Variants in NRCAM observed in about 807,000 individuals in gnomAD.
NRCAM encodes the protein neuronal cell adhesion molecule.
In NRCAM, 83 loss-of-function variants were observed where a neutral mutation model predicts 156.5. The ratio of observed to expected loss-of-function variants is 0.53; its 90% confidence interval spans 0.44 to 0.64. The LOEUF (loss-of-function observed/expected upper bound fraction) is 0.64. NRCAM is among the 30% of genes least tolerant of loss of function. The pLI is 0.00. For missense variants in NRCAM, 1,417 were observed against 1,597.3 expected, an observed-to-expected ratio of 0.89 and a Z score of 1.92; for synonymous variants, 538 against 563.9, an observed-to-expected ratio of 0.95 and a Z score of 0.65.
chr7:108,171,203 G>A (rs1390389930), intron 28 of NRCAM, among the ~76,000 whole-genome samples: 1 of 152,150 alleles, frequency 6.6e-6, no homozygotes, highest in Non-Finnish European at 1.5e-5. Context: ...CTTCCGGTGT[G>A]CCTCGCCCAA....
rs1157626809 is a variant in NRCAM, at chr7:108,168,323, C to T, written c.3267G>A (p.Glu1089=). The T allele has an allele frequency of 6.2e-7, 1 of 1,609,364 alleles. No homozygotes were observed. Among genetic ancestry groups the T allele is most frequent in the Non-Finnish European group, 8.5e-7 (1 of 1,177,950 alleles). ...CATAAAAGTTCACATGCTCTGGTCC[C>T]TCATATTCCCAACTGATATTGGCAT... The part of the protein sequence containing the change: ...ETYANISWEY[E]GPEHVNFYVE... Residue 1089 remains glutamate, a synonymous_variant, in exon 29 of 33, where the codon GAG becomes GAA. Coordinates refer to ENST00000379028, the MANE Select transcript of NRCAM (RefSeq NM_001037132.4).
intron 1 of NRCAM, among the ~76,000 whole-genome samples, chr7:108,406,189 G>A (rs540613116): frequency 1.3e-5 from 2 of 152,148 alleles, no homozygotes; most frequent in African/African-American, 4.8e-5. Context: ...GAATCAGGCA[G>A]TAAATAATGA....
At chr7:108,290,966 G>A (rs2098271039) in intron 3 of NRCAM, among the ~76,000 whole-genome samples, 1 of 152,198 alleles carries the variant, frequency 6.6e-6, no homozygotes, top group Non-Finnish European at 1.5e-5. Context: ...CAAAGCTGGA[G>A]TTAAGAGTGC....
At chr7:108,418,119 G>A (rs1012735749) in intron 1 of NRCAM, among the ~76,000 whole-genome samples, 1 of 152,088 alleles carries the variant, frequency 6.6e-6, no homozygotes. Context: ...ACTTCTAGGT[G>A]ACCAGGAGCC....
chr7:108,452,211 G>T (rs1851188365), intron 1 of NRCAM, among the ~76,000 whole-genome samples: 1 of 152,206 alleles, frequency 6.6e-6, no homozygotes, highest in Non-Finnish European at 1.5e-5. Flanking sequence ...GTAGAATGGT[G>T]ATTGCTAGTG....
At chr7:108,279,519 GTTGT>G (rs1477939448) in intron 3 of NRCAM, among the ~76,000 whole-genome samples, 3 of 151,436 alleles carry the variant, frequency 2.0e-5, no homozygotes, top group Non-Finnish European at 4.4e-5. Flanking sequence ...TTTTTTGGTT[GTTGT>G]TTGTTTGTTT....
In NRCAM at chr7:108,264,086, T is replaced by C. The variant is rs562896379; in HGVS notation, c.-106-23916A>G. On this transcript the variant is annotated intron_variant, in intron 3 of 32. Transcript: ENST00000379028. ...TCTGTCTCCCGAGTTCAAGCGATTC[T>C]CCTGCCTCAGCTGCGCAAGTAGCTG... Among the ~76,000 whole-genome samples, 2 of 152,270 alleles carry C rather than the reference T, an allele frequency of 1.3e-5. 1 individual carries two copies. Among genetic ancestry groups the C allele is most frequent in the Admixed American group, 1.3e-4 (2 of 15,296 alleles).
intron 1 of NRCAM, among the ~76,000 whole-genome samples, chr7:108,410,427 CT>C (rs756980847): frequency 5.3e-5 from 8 of 152,122 alleles, no homozygotes; most frequent in Non-Finnish European, 7.4e-5. Flanking sequence ...GAGAGTGCTC[CT>C]TAAATTTGAT....
chr7:108,455,449 T>G (rs1397564678), intron 1 of NRCAM, among the ~76,000 whole-genome samples: 1 of 152,042 alleles, frequency 6.6e-6, no homozygotes, highest in Non-Finnish European at 1.5e-5. Context: ...AAAGCAATCT[T>G]TCCAGGCAGC....
At position 108,173,640 on chromosome 7, in the gene NRCAM, A is replaced by G. The variant is rs377161121; in HGVS notation, c.3187+1682T>C. Among the ~76,000 whole-genome samples, 369 of 152,330 alleles carry G rather than the reference A, an allele frequency of 2.4e-3. 1 individual carries two copies. The highest frequency in any genetic ancestry group is 8.4e-3 in the African/African-American group (351 of 41,578). ...CTGCTATACTATTAAAATAAACCATATTAAAATTAAGGTCAGAGTTAGCTT... is the reference window on the plus strand; with the variant it reads ...CTGCTATACTATTAAAATAAACCATGTTAAAATTAAGGTCAGAGTTAGCTT... On this transcript the variant is annotated intron_variant, in intron 28 of 32. Transcript: ENST00000379028.
chr7:108,450,693 T>G (rs755351063), intron 1 of NRCAM, among the ~76,000 whole-genome samples: 10 of 152,224 alleles, frequency 6.6e-5, no homozygotes, highest in Non-Finnish European at 1.3e-4. Context: ...GGTACTTTAA[T>G]TCAACATTTT....
At chr7:108,445,933 A>T (rs986272954) in intron 1 of NRCAM, among the ~76,000 whole-genome samples, 3 of 152,092 alleles carry the variant, frequency 2.0e-5, no homozygotes, top group African/African-American at 7.2e-5. Context: ...TGTTTCACAA[A>T]CCAGTCTCTT....
intron 2 of NRCAM, among the ~76,000 whole-genome samples, chr7:108,352,996 T>G (rs1481385422): frequency 6.6e-6 from 1 of 151,968 alleles, no homozygotes; most frequent in African/African-American, 2.4e-5. Flanking sequence ...ACCAAGCCAC[T>G]ATTTTTTTCC....
At chr7:108,217,654 G>A (rs1416475606) in intron 11 of NRCAM, among the ~76,000 whole-genome samples, 1 of 152,222 alleles carries the variant, frequency 6.6e-6, no homozygotes, top group Non-Finnish European at 1.5e-5. Flanking sequence ...TCTGGGTACA[G>A]AGGCTTTGCT....
rs184143929 is a variant in NRCAM at position 108,397,857 on chromosome 7, G to A, written c.-174+1579C>T. 3.7e-4 allele frequency among the ~76,000 whole-genome samples: 57 copies of A among 152,168 alleles called. 1 individual carries two copies. Among genetic ancestry groups the A allele is most frequent in the Non-Finnish European group, 1.5e-4 (10 of 67,994 alleles). ...CTTTTATCAAACTGGAAAGGTCACC[G>A]TATTTGTCTCTAGGAAGAAAAATCC... On this transcript the variant is annotated intron_variant, in intron 2 of 32. Coordinates refer to ENST00000379028, the MANE Select transcript of NRCAM (RefSeq NM_001037132.4).
chr7:108,174,352 C>T (rs975621815), intron 28 of NRCAM, among the ~76,000 whole-genome samples: 1 of 152,190 alleles, frequency 6.6e-6, no homozygotes, highest in African/African-American at 2.4e-5. Context: ...TCTATCAAGT[C>T]TAAGCTCACA....
intron 17 of NRCAM, among the ~76,000 whole-genome samples, chr7:108,192,334 T>TC (rs2072416932): frequency 6.6e-6 from 1 of 152,208 alleles, no homozygotes; most frequent in East Asian, 1.9e-4. Context: ...GACTGTGCTC[T>TC]CCTATGACAA....
intron 2 of NRCAM, among the ~76,000 whole-genome samples, chr7:108,343,245 G>A (rs570720822): frequency 1.4e-4 from 21 of 152,264 alleles, no homozygotes; most frequent in African/African-American, 5.1e-4. Context: ...AAGGAAAAAG[G>A]GTAAATATAT....
intron 2 of NRCAM, among the ~76,000 whole-genome samples, chr7:108,364,107 G>A (rs2099577051): frequency 6.6e-6 from 1 of 152,146 alleles, no homozygotes; most frequent in South Asian, 2.1e-4. Flanking sequence ...ACTGGGTGTG[G>A]TATTTACGGG....
Sources: allele counts gnomAD v4.1 joint callset (sites outside exome capture counted in the v4.1 genomes callset), GRCh38; gene constraint gnomAD v4.1.1; transcripts MANE v1.5; gene names NCBI Gene and HGNC (gene_info 2026-07-23, HGNC 2026-07-21).